CLDN10: variants seen among roughly 807,000 people sequenced by gnomAD.
The protein encoded by CLDN10 is claudin-10.
CLDN10 carries 15 observed loss-of-function variants against 22.9 expected under a neutral mutation model. The observed-to-expected ratio is 0.65, with a 90% confidence interval of 0.44 to 1.01. The LOEUF is 1.01. Ranked by LOEUF, CLDN10 falls within the 50% of genes least tolerant of loss-of-function variation. The probability of loss-of-function intolerance (pLI) is 0.00; values close to 1 mark genes in which losing one functional copy is unlikely to be tolerated. For synonymous variants in CLDN10, 114 were observed against 111.4 expected (o/e 1.02, Z -0.15); for missense variants, 247 against 287.8 (o/e 0.86, Z 1.03).
At chr13:95,523,613 T>C (rs559504506) in intron 1 of CLDN10, among the ~76,000 whole-genome samples, 49 of 152,140 alleles carry the variant, frequency 3.2e-4, no homozygotes, top group Non-Finnish European at 5.4e-4. Flanking sequence ...TTTATATGCG[T>C]TCTTCTTTTT....
intron 3 of CLDN10, among the ~76,000 whole-genome samples, chr13:95,576,793 G>A (rs887353512): frequency 1.3e-5 from 2 of 152,306 alleles, no homozygotes; most frequent in South Asian, 2.1e-4. Context: ...CACATAGCAC[G>A]TGCTTAATAA....
chr13:95,574,644 C>T (rs1300247556), intron 3 of CLDN10, among the ~76,000 whole-genome samples: 1 of 152,074 alleles, frequency 6.6e-6, no homozygotes, highest in Non-Finnish European at 1.5e-5. Context: ...GTGGCACACA[C>T]CTGTAATCCC....
intron 1 of CLDN10, among the ~76,000 whole-genome samples, chr13:95,452,367 T>A (rs2042439819): frequency 6.6e-6 from 1 of 152,222 alleles, no homozygotes; most frequent in Non-Finnish European, 1.5e-5. Context: ...TATTATTATT[T>A]TTATTTTTAA....
chr13:95,553,311 G>A (rs1029998303), intron 1 of CLDN10, among the ~76,000 whole-genome samples: 9 of 152,124 alleles, frequency 5.9e-5, no homozygotes, highest in African/African-American at 2.2e-4. Context: ...CCCATATCTT[G>A]GGGACCGCTG....
chr13:95,546,769 A>C (rs556133849), intron 1 of CLDN10, among the ~76,000 whole-genome samples: 1 of 152,228 alleles, frequency 6.6e-6, no homozygotes, highest in East Asian at 1.9e-4. Context: ...AGTCATTGAG[A>C]AAACTGAGGG....
rs1566643307 is a variant in CLDN10, at chr13:95,434,527, AT to A, written c.214+481del. Among the ~76,000 whole-genome samples the A allele has an allele frequency of 1.7e-3, 181 of 104,080 alleles. 1 individual carries two copies. The highest frequency in any genetic ancestry group is 0.011 in the African/African-American group (175 of 15,430). 68.3% of individuals were successfully genotyped at this position (104,080 alleles called of 152,430 possible). ...GGTATCTATATGTGTGTGTGTATAT[AT>A]ATATGCACACGTGTGTATATATATA... On this transcript the variant is annotated intron_variant, in intron 1 of 4. Transcript: ENST00000376873.
At chr13:95,535,569 C>T (rs1423135671) in intron 1 of CLDN10, among the ~76,000 whole-genome samples, 9 of 137,984 alleles carry the variant, frequency 6.5e-5, no homozygotes, top group Admixed American at 4.6e-4. Context: ...AAGGGAGCTG[C>T]GGGGGAGGTG....
chr13:95,544,706 A>G (rs552481054), intron 1 of CLDN10, among the ~76,000 whole-genome samples: 1 of 152,290 alleles, frequency 6.6e-6, no homozygotes, highest in Admixed American at 6.5e-5. Context: ...TCCTAGTAAT[A>G]CACTTGTAAA....
intron 3 of CLDN10, among the ~76,000 whole-genome samples, chr13:95,574,512 G>A (rs1473725557): frequency 1.3e-5 from 2 of 152,228 alleles, no homozygotes; most frequent in African/African-American, 4.8e-5. Flanking sequence ...GTTCACACCT[G>A]TAATCTCAGC....
intron 1 of CLDN10, among the ~76,000 whole-genome samples, chr13:95,469,158 C>T (rs2042607066): frequency 6.7e-6 from 1 of 149,322 alleles, no homozygotes; most frequent in Non-Finnish European, 1.5e-5. Flanking sequence ...ATTTACCCCA[C>T]TAGGATTATG....
chr13:95,436,979 C>A (rs2042278853), intron 1 of CLDN10, among the ~76,000 whole-genome samples: 1 of 151,994 alleles, frequency 6.6e-6, no homozygotes, highest in South Asian at 2.1e-4. Flanking sequence ...TGAGACAAAT[C>A]TTCTTAGACT....
chr13:95,566,371 AGC>A (rs1457779970), intron 3 of CLDN10, among the ~76,000 whole-genome samples: 1 of 152,178 alleles, frequency 6.6e-6, no homozygotes, highest in Non-Finnish European at 1.5e-5. Context: ...TTCTCTGATG[AGC>A]AGTGATGATG....
intron 1 of CLDN10, among the ~76,000 whole-genome samples, chr13:95,453,214 G>T (rs1363495311): frequency 6.6e-6 from 1 of 152,096 alleles, no homozygotes; most frequent in Non-Finnish European, 1.5e-5. Flanking sequence ...ACTTTTCCAG[G>T]AGTCCCCTCC....
intron 1 of CLDN10, among the ~76,000 whole-genome samples, chr13:95,517,104 C>T (rs2043177010): frequency 8.2e-6 from 1 of 122,256 alleles, no homozygotes; most frequent in Non-Finnish European, 1.8e-5. Context: ...CCCTCCCGCC[C>T]TCCCTCTCTT....
chr13:95,436,723 A>G (rs889661369), intron 1 of CLDN10, among the ~76,000 whole-genome samples: 19 of 152,252 alleles, frequency 1.2e-4, no homozygotes, highest in Admixed American at 1.1e-3. Flanking sequence ...ACTGATTCAT[A>G]TTTCCAAAGA....
intron 1 of CLDN10, among the ~76,000 whole-genome samples, chr13:95,528,921 A>G (rs1024044307): frequency 1.3e-5 from 2 of 152,242 alleles, no homozygotes; most frequent in African/African-American, 4.8e-5. Context: ...GCTTGAACAT[A>G]GTATGAATTG....
intron 3 of CLDN10, 173 bp downstream of exon 3, chr13:95,560,636 T>C: frequency 3.3e-6 from 2 of 604,746 alleles, no homozygotes; most frequent in African/African-American, 1.9e-5. Flanking sequence ...ACGCAAAATA[T>C]GCATTTAATT....
At chr13:95,518,966 CTG>C (rs2043198174) in intron 1 of CLDN10, among the ~76,000 whole-genome samples, 1 of 152,006 alleles carries the variant, frequency 6.6e-6, no homozygotes, top group Non-Finnish European at 1.5e-5. Flanking sequence ...AATTAAATAA[CTG>C]AATCAATTGT....
intron 3 of CLDN10, among the ~76,000 whole-genome samples, chr13:95,574,325 T>TAA (rs547389254): frequency 2.7e-5 from 4 of 148,922 alleles, no homozygotes; most frequent in Admixed American, 2.7e-4. Context: ...TCCAAATTGT[T>TAA]AAAAAAAAAA....
Sources: allele counts gnomAD v4.1 joint callset (sites outside exome capture counted in the v4.1 genomes callset), GRCh38; gene constraint gnomAD v4.1.1; transcripts MANE v1.5; gene names NCBI Gene and HGNC (gene_info 2026-07-23, HGNC 2026-07-21).